Variants in HSPB7 observed in about 807,000 individuals in gnomAD.
The protein encoded by HSPB7 is heat shock protein beta-7.
A neutral mutation model predicts 11.0 loss-of-function variants in HSPB7; 9 were observed. That is an observed-to-expected ratio of 0.82 (90% CI 0.49 to 1.43). HSPB7 has a LOEUF of 1.43. Ranked by LOEUF, HSPB7 falls within the 40% of genes most tolerant of loss-of-function variation. The pLI is 0.00. For missense variants in HSPB7, 246 were observed against 243.9 expected (o/e 1.01, Z -0.06); for synonymous variants, 102 against 101.6 (o/e 1.00, Z -0.02).
rs1483766981 is a variant in HSPB7 at position 16,015,972 on chromosome 1, C to T, written c.334-213G>A. Among the ~76,000 whole-genome samples, 1 of 152,238 alleles carries T rather than the reference C, an allele frequency of 6.6e-6. No individual in the cohort carries two copies. The highest frequency in any genetic ancestry group is 2.4e-5 in the African/African-American group (1 of 41,468). ...GGGGTGCTTCGCAGAGCTCCAGTAG[C>T]TCCAAGGAACAGGCCAGGGACATGG... On this transcript the variant is annotated intron_variant, in intron 2 of 2. Transcript: ENST00000311890. The surrounding 1 kb of genome is among the most constrained non-coding windows in gnomAD (Gnocchi z 4.9).
upstream of HSPB7, chr1:16,018,664 G>A: frequency 2.9e-6 from 3 of 1,026,474 alleles, no homozygotes; most frequent in Non-Finnish European, 3.5e-6. Context: ...AGCCCCAAGA[G>A]GACAAAGTTG....
upstream of HSPB7, chr1:16,018,070 T>C (rs2021903170): frequency 6.3e-7 from 1 of 1,587,212 alleles, no homozygotes; most frequent in Non-Finnish European, 8.6e-7. Context: ...GGCCGCTTTA[T>C]AAGGCCGACT....
In HSPB7 at chr1:16,015,583, G is replaced by C; in HGVS notation, c.510C>G (p.Ile170Met). The change falls in exon 3 of 3, where the codon ATC becomes ATG. Residue 170 changes from isoleucine to methionine, a missense_variant. Coordinates refer to ENST00000311890, the MANE Select transcript of HSPB7 (RefSeq NM_014424.5). The surrounding 1 kb of genome is among the most constrained non-coding windows in gnomAD (Gnocchi z 4.9). ...VQQTFRTEIK[I>M] ...GGGAAAGGGAAGGGAGAGGCACTCA[G>C]ATTTTGATCTCCGTCCGGAAGGTCT... 1.2e-6 allele frequency: 2 copies of C among 1,614,016 alleles called. No homozygotes were observed. Among genetic ancestry groups the C allele is most frequent in the South Asian group, 1.1e-5 (1 of 91,078 alleles).
rs963725204 is a variant in HSPB7, at chr1:16,015,606, T to C, written c.487A>G (p.Thr163Ala). 6.2e-7 allele frequency: 1 copy of C among 1,613,908 alleles called. No homozygotes were observed. Among genetic ancestry groups the C allele is most frequent in the Non-Finnish European group, 8.5e-7 (1 of 1,179,972 alleles). Residue 163 changes from threonine (T) to alanine (A), a missense_variant, in exon 3 of 3, where the codon ACC (threonine) becomes GCC (alanine). Transcript: ENST00000311890. This position sits in a 1 kb window ranked among gnomAD's most constrained non-coding sequence, Gnocchi z 4.9. Reference sequence around the variant, plus strand: ...CAGATTTTGATCTCCGTCCGGAAGGTCTGCTGGACGTGTTCTGTATGCGGG... The same window carrying C: ...CAGATTTTGATCTCCGTCCGGAAGGCCTGCTGGACGTGTTCTGTATGCGGG... Reference protein sequence around the residue: ...RHPHTEHVQQTFRTEIKI With the variant: ...RHPHTEHVQQAFRTEIKI
Position 16,015,212 on chromosome 1 carries a change from A to G in HSPB7, c.*368T>C. The G allele has an allele frequency of 5.1e-6, 1 of 196,446 alleles. No homozygotes were observed. Among genetic ancestry groups the G allele is most frequent in the Non-Finnish European group, 1.0e-5 (1 of 95,382 alleles). The allele number at this position is 196,446 out of a possible 1,614,324, so 12.2% of individuals were successfully genotyped here. ...TCCCTGGTCCCCTTGCCCTGCAGAGACTTCATAGATCAGAGGGTTTGTCTG... is the reference window on the plus strand; with the variant it reads ...TCCCTGGTCCCCTTGCCCTGCAGAGGCTTCATAGATCAGAGGGTTTGTCTG... On this transcript the variant is annotated 3_prime_UTR_variant, in exon 3 of 3. Transcript: ENST00000311890. The surrounding 1 kb of genome is among the most constrained non-coding windows in gnomAD (Gnocchi z 4.9).
chr1:16,016,211 T>G (rs1263516897), intron 2 of HSPB7, among the ~76,000 whole-genome samples: 1 of 152,182 alleles, frequency 6.6e-6, no homozygotes, highest in Admixed American at 6.5e-5. Flanking sequence ...GAGTCACTGT[T>G]GGGGGTGGCA....
At chr1:16,019,049 A>C (rs1470220698), upstream of HSPB7, 6 of 1,246,370 alleles carry the variant, frequency 4.8e-6, no homozygotes, top group Non-Finnish European at 6.5e-6. Flanking sequence ...TGGTTTGAAC[A>C]TGTGCCTATG....
upstream of HSPB7, chr1:16,019,143 G>A: frequency 6.5e-7 from 1 of 1,549,278 alleles, no homozygotes. Context: ...CCTTGCCCTG[G>A]GCCAGGGTGG....
upstream of HSPB7, chr1:16,019,286 G>A (rs1417197893): frequency 6.7e-7 from 1 of 1,493,618 alleles, no homozygotes; most frequent in Admixed American, 2.0e-5. Context: ...AGGCCTCTCT[G>A]ACTGCTCCTG....
Position 16,016,985 on chromosome 1 carries a change from C to A in HSPB7, c.333+89G>T, listed in dbSNP as rs931997199. ...GTGGGGAAGGGACACTGGCCAGGGT[C>A]TGGGGTCCCAGGATGGTAAGGGGGA... On this transcript the variant is annotated intron_variant, in intron 2 of 2. Coordinates refer to ENST00000311890, the MANE Select transcript of HSPB7 (RefSeq NM_014424.5). 5.9e-6 allele frequency: 8 copies of A among 1,365,684 alleles called. No individual in the cohort carries two copies. In the African/African-American group the frequency reaches 1.0e-4, roughly 17 times the overall value. 84.6% of individuals were successfully genotyped at this position (1,365,684 alleles called of 1,614,324 possible).
At position 16,014,298 on chromosome 1, in the gene HSPB7, C is replaced by T. The variant is rs1202595261; in HGVS notation, c.*1282G>A. 6.6e-6 allele frequency: 1 copy of T among 152,132 alleles called. No individual in the cohort carries two copies. Among genetic ancestry groups the T allele is most frequent in the East Asian group, 1.9e-4 (1 of 5,160 alleles). The allele number at this position is 152,132 out of a possible 1,614,324, so 9.4% of individuals were successfully genotyped here. A position where few individuals can be genotyped will look rare whatever the true frequency, so the allele number is the denominator to read the frequency against. ...CAGCAGGCATTTCCCAGGGTTAAGG[C>T]TGATGGAAGGTCCCTATCCCAGATG... On this transcript the variant is annotated 3_prime_UTR_variant, in exon 3 of 3. Coordinates refer to ENST00000311890, the MANE Select transcript of HSPB7 (RefSeq NM_014424.5).
chr1:16,016,775 C>T (rs1246707962), intron 2 of HSPB7, among the ~76,000 whole-genome samples: 1 of 152,168 alleles, frequency 6.6e-6, no homozygotes, highest in Non-Finnish European at 1.5e-5. Flanking sequence ...ACCCTCAAGC[C>T]CCACCCCCTC....
At position 16,015,634 on chromosome 1, in the gene HSPB7, A is replaced by ACGCC. The variant is rs1414203431; in HGVS notation, c.455_458dup (p.His154AlafsTer86). 17 of 1,613,780 alleles carry ACGCC rather than the reference A, an allele frequency of 1.1e-5. No individual in the cohort carries two copies. Among genetic ancestry groups the ACGCC allele is most frequent in the Non-Finnish European group, 1.4e-5 (16 of 1,179,950 alleles). On this transcript the variant is annotated frameshift_variant, in exon 3 of 3. Coordinates refer to ENST00000311890, the MANE Select transcript of HSPB7 (RefSeq NM_014424.5). LOFTEE classifies it high-confidence loss of function. This position sits in a 1 kb window ranked among gnomAD's most constrained non-coding sequence, Gnocchi z 4.9. ...GCTGGACGTGTTCTGTATGCGGGTG[A>ACGCC]CGCCGTGCCCGGATAGTGAGGCTGC...
chr1:16,018,019 T>C lies in HSPB7; in HGVS notation c.-56A>G. On this transcript the variant is annotated 5_prime_UTR_variant, in exon 1 of 3. Coordinates refer to ENST00000311890, the MANE Select transcript of HSPB7 (RefSeq NM_014424.5). ...GGCGAGGGCTGGACAGGAGAGGGTG[T>C]GGGCGCAGGCCTCTGGGCGAGCGTG... 5 of 1,611,296 alleles carry C rather than the reference T, an allele frequency of 3.1e-6. No homozygotes were observed. The highest frequency in any genetic ancestry group is 4.2e-6 in the Non-Finnish European group (5 of 1,179,112).
rs947718158 is a variant in HSPB7 at position 16,014,092 on chromosome 1, C to T, written c.*1488G>A. ...CGTCAGGGCTCTCCCACGGCCCCCT[C>T]CCCAGTCCTCCCCCAAGGGGCCCAG... On this transcript the variant is annotated 3_prime_UTR_variant, in exon 3 of 3. Transcript: ENST00000311890. The T allele has an allele frequency of 6.6e-6, 1 of 152,448 alleles. No individual in the cohort carries two copies. The highest frequency in any genetic ancestry group is 1.5e-5 in the Non-Finnish European group (1 of 68,240). 9.4% of individuals were successfully genotyped at this position (152,448 alleles called of 1,614,324 possible).
intron 1 of HSPB7, 80 bp downstream of exon 1, chr1:16,017,685 C>T (rs2021849261): frequency 2.4e-6 from 3 of 1,247,802 alleles, no homozygotes; most frequent in African/African-American, 1.5e-5. Context: ...GACCGGCAGC[C>T]ACAGCGCCTT....
chr1:16,015,577 C>G lies in HSPB7; in HGVS notation c.*3G>C. 1 of 1,613,790 alleles carries G rather than the reference C, an allele frequency of 6.2e-7. No individual in the cohort carries two copies. The highest frequency in any genetic ancestry group is 8.5e-7 in the Non-Finnish European group (1 of 1,179,792). On this transcript the variant is annotated 3_prime_UTR_variant, in exon 3 of 3. Transcript: ENST00000311890. This position sits in a 1 kb window ranked among gnomAD's most constrained non-coding sequence, Gnocchi z 4.9. ...GGGACAGGGAAAGGGAAGGGAGAGG[C>G]ACTCAGATTTTGATCTCCGTCCGGA... is the stretch of plus-strand genomic sequence containing the variant.
upstream of HSPB7, chr1:16,019,111 T>G (rs2021963860): frequency 6.5e-7 from 1 of 1,528,208 alleles, no homozygotes; most frequent in African/African-American, 1.4e-5. Flanking sequence ...CCCACCTGCT[T>G]GCTCAGCAAA....
chr1:16,016,788 G>C (rs1570277701), intron 2 of HSPB7, among the ~76,000 whole-genome samples: 1 of 152,050 alleles, frequency 6.6e-6, no homozygotes, highest in African/African-American at 2.4e-5. Flanking sequence ...ACCCCCTCAG[G>C]CTCCCTCTGC....
Sources: allele counts gnomAD v4.1 joint callset (sites outside exome capture counted in the v4.1 genomes callset), GRCh38; gene constraint gnomAD v4.1.1; non-coding constraint Gnocchi (gnomAD v3.1); transcripts MANE v1.5; gene names NCBI Gene and HGNC (gene_info 2026-07-23, HGNC 2026-07-21).